TSHZ2: variants seen among roughly 807,000 people sequenced by gnomAD.
The protein encoded by TSHZ2 is teashirt homolog 2.
TSHZ2 carries 21 observed loss-of-function variants against 74.4 expected under a neutral mutation model. The observed-to-expected ratio is 0.28, with a 90% confidence interval of 0.20 to 0.41. The LOEUF (loss-of-function observed/expected upper bound fraction) is 0.41, where lower values mean the gene tolerates loss of function less well. TSHZ2 is among the 10% of genes least tolerant of loss of function. The pLI is 1.00. For missense variants in TSHZ2, 1,244 were observed against 1,293.5 expected, an observed-to-expected ratio of 0.96 and a Z score of 0.59; for synonymous variants, 540 against 515.3, an observed-to-expected ratio of 1.05 and a Z score of -0.65.
intron 1 of TSHZ2, among the ~76,000 whole-genome samples, chr20:52,988,293 C>T (rs1273898997): frequency 1.3e-5 from 2 of 152,108 alleles, no homozygotes. Context: ...CCGAGACATC[C>T]TGTAAGCTGG....
intron 2 of TSHZ2, among the ~76,000 whole-genome samples, chr20:53,274,401 A>C (rs1016353726): frequency 2.0e-5 from 3 of 152,148 alleles, no homozygotes; most frequent in African/African-American, 7.2e-5. Flanking sequence ...TCCATTCTGT[A>C]ATTCAGCTCC....
At chr20:53,325,086 C>G (rs1476525571) in intron 2 of TSHZ2, among the ~76,000 whole-genome samples, 1 of 152,212 alleles carries the variant, frequency 6.6e-6, no homozygotes, top group African/African-American at 2.4e-5. Flanking sequence ...CTTGGTTAAA[C>G]TGTCTTACGA....
In TSHZ2 at chr20:53,414,032, T is replaced by C. The variant is rs1181267994; in HGVS notation, c.*9-73112T>C. Among the ~76,000 whole-genome samples the C allele has an allele frequency of 1.4e-4, 21 of 152,034 alleles. 1 individual carries two copies. Among genetic ancestry groups the C allele is most frequent in the Admixed American group, 1.2e-3 (19 of 15,256 alleles). ...GGCACATGCCTGTAGTCCCAGCTAT[T>C]TGGACTTGAGCCTGAGAGGTCAAGG... is the stretch of plus-strand genomic sequence containing the variant. On this transcript the variant is annotated intron_variant, in intron 2 of 2. Coordinates refer to ENST00000371497, the MANE Select transcript of TSHZ2 (RefSeq NM_173485.6).
intron 1 of TSHZ2, among the ~76,000 whole-genome samples, chr20:53,069,773 A>G (rs1568744943): frequency 6.6e-6 from 1 of 151,854 alleles, no homozygotes; most frequent in Non-Finnish European, 1.5e-5. Context: ...GGGAGCCATT[A>G]ATACAGTGGG....
intron 2 of TSHZ2, among the ~76,000 whole-genome samples, chr20:53,387,490 G>A (rs939009824): frequency 2.0e-5 from 3 of 152,208 alleles, no homozygotes; most frequent in African/African-American, 7.2e-5. Context: ...AGCAGTCACA[G>A]GAAAAGACCA....
At chr20:53,422,569 C>A (rs1983515628) in intron 2 of TSHZ2, among the ~76,000 whole-genome samples, 1 of 152,194 alleles carries the variant, frequency 6.6e-6, no homozygotes, top group Non-Finnish European at 1.5e-5. Flanking sequence ...CATACACCCA[C>A]ATACAACACC....
At chr20:53,291,269 C>T (rs1275926276) in intron 2 of TSHZ2, among the ~76,000 whole-genome samples, 1 of 152,076 alleles carries the variant, frequency 6.6e-6, no homozygotes, top group South Asian at 2.1e-4. Context: ...GTCAGGAGTT[C>T]GAGACCAGCC....
intron 2 of TSHZ2, among the ~76,000 whole-genome samples, chr20:53,366,872 A>G (rs1251803839): frequency 6.6e-6 from 1 of 152,184 alleles, no homozygotes; most frequent in Non-Finnish European, 1.5e-5. Context: ...ATTTGCATGC[A>G]TTATTTCATT....
intron 2 of TSHZ2, among the ~76,000 whole-genome samples, chr20:53,402,841 T>G (rs1982716292): frequency 1.3e-5 from 2 of 151,940 alleles, no homozygotes; most frequent in African/African-American, 4.8e-5. Flanking sequence ...GAAAGGAGGG[T>G]TGCACTCAGC....
chr20:53,014,262 G>T (rs1982956375), intron 1 of TSHZ2, among the ~76,000 whole-genome samples: 2 of 151,946 alleles, frequency 1.3e-5, no homozygotes, highest in Admixed American at 1.3e-4. Context: ...TCTTACAAGG[G>T]CACTAATACC....
intron 2 of TSHZ2, among the ~76,000 whole-genome samples, chr20:53,454,841 G>T (rs1391583926): frequency 6.6e-6 from 1 of 151,996 alleles, no homozygotes; most frequent in Non-Finnish European, 1.5e-5. Context: ...CTACCCTCAG[G>T]CCTTGCAGAC....
At chr20:53,116,501 C>T (rs899095070) in intron 1 of TSHZ2, among the ~76,000 whole-genome samples, 8 of 152,176 alleles carry the variant, frequency 5.3e-5, no homozygotes, top group African/African-American at 1.9e-4. Flanking sequence ...TCCTGCCCTC[C>T]ACCCCACGGC....
chr20:53,308,583 C>A lies in TSHZ2; in HGVS notation c.*8+52012C>A, dbSNP rs6097353. Among the ~76,000 whole-genome samples, 97 of 152,090 alleles carry A rather than the reference C, an allele frequency of 6.4e-4. 1 individual carries two copies. The highest frequency in any genetic ancestry group is 2.3e-3 in the African/African-American group (94 of 41,490). ...AGCTGCCCTGGGTCACCGGGGGAGG[C>A]ATTTCTTTTTTAATGTATAAAACTT... On this transcript the variant is annotated intron_variant, in intron 2 of 2. Transcript: ENST00000371497.
At chr20:53,007,481 C>T (rs1982684601) in intron 1 of TSHZ2, among the ~76,000 whole-genome samples, 1 of 152,068 alleles carries the variant, frequency 6.6e-6, no homozygotes, top group Non-Finnish European at 1.5e-5. Context: ...CAGGAAGAAG[C>T]ACAAAATACG....
chr20:53,105,371 A>G (rs546535488), intron 1 of TSHZ2, among the ~76,000 whole-genome samples: 2 of 152,344 alleles, frequency 1.3e-5, no homozygotes, highest in East Asian at 3.9e-4. Context: ...GCGGCATCCC[A>G]GGCCTCTCCC....
intron 1 of TSHZ2, among the ~76,000 whole-genome samples, chr20:53,138,424 G>T (rs192655476): frequency 5.3e-5 from 8 of 151,668 alleles, no homozygotes; most frequent in Non-Finnish European, 1.2e-4. Flanking sequence ...TCACATATAG[G>T]TTCCTCCAAA....
rs191270602 is a variant in TSHZ2, at chr20:53,426,435, C to T, written c.*9-60709C>T. Among the ~76,000 whole-genome samples the T allele has an allele frequency of 3.7e-4, 56 of 152,228 alleles. 1 individual carries two copies. The highest frequency in any genetic ancestry group is 1.1e-3 in the African/African-American group (45 of 41,560). On this transcript the variant is annotated intron_variant, in intron 2 of 2. Transcript: ENST00000371497. ...TTATCAACTATGGCTTATGTTTTTA[C>T]AGGGAATTTTCTTCTTCCTCTTCTT... is the stretch of plus-strand genomic sequence containing the variant.
chr20:53,320,019 G>C (rs1024609512), intron 2 of TSHZ2, among the ~76,000 whole-genome samples: 2 of 152,122 alleles, frequency 1.3e-5, no homozygotes, highest in East Asian at 1.9e-4. Context: ...CACCCTTTCT[G>C]GGCCATCAAC....
chr20:53,458,180 A>T (rs1434522798), intron 2 of TSHZ2, among the ~76,000 whole-genome samples: 44 of 148,718 alleles, frequency 3.0e-4, no homozygotes, highest in African/African-American at 1.1e-3. Context: ...CTGTGAATCC[A>T]TCTGGTCCTG....
Sources: gnomAD v4.1 joint callset for allele counts (sites outside exome capture counted in the v4.1 genomes callset) on GRCh38, gnomAD v4.1.1 for gene constraint, MANE v1.5 for transcripts, NCBI Gene and HGNC (gene_info 2026-07-23, HGNC 2026-07-21) for gene names.